SAMTOR: variants seen among roughly 807,000 people sequenced by gnomAD.
SAMTOR encodes the protein UPF0532 protein C7orf60.
chr7:112,858,261 T>A, the SAMTOR span, among the ~76,000 whole-genome samples: 35 of 151,972 alleles, frequency 2.3e-4, no homozygotes, highest in Admixed American at 2.3e-3. Flanking sequence ...GCAATGTTAC[T>A]ATAAATTTTC....
the SAMTOR span, among the ~76,000 whole-genome samples, chr7:112,917,495 G>C: frequency 6.6e-6 from 1 of 152,052 alleles, no homozygotes; most frequent in African/African-American, 2.4e-5. Context: ...ACAAAGATGG[G>C]GAAAAAACAG....
chr7:112,914,637 T>C, the SAMTOR span, among the ~76,000 whole-genome samples: 2 of 152,170 alleles, frequency 1.3e-5, no homozygotes, highest in African/African-American at 4.8e-5. Flanking sequence ...TAAGACTTTA[T>C]AGAACTCACT....
At chr7:112,898,413 G>A in the SAMTOR span, among the ~76,000 whole-genome samples, 1 of 152,056 alleles carries the variant, frequency 6.6e-6, no homozygotes, top group Non-Finnish European at 1.5e-5. Flanking sequence ...TTGGGGCAAG[G>A]AGAGGAAGAG....
the SAMTOR span, among the ~76,000 whole-genome samples, chr7:112,831,298 G>A: frequency 6.6e-6 from 1 of 152,130 alleles, no homozygotes; most frequent in African/African-American, 2.4e-5. Context: ...GCCTACTTTA[G>A]AGTTATCTAT....
chr7:112,882,895 A>C, the SAMTOR span, among the ~76,000 whole-genome samples: 1 of 152,214 alleles, frequency 6.6e-6, no homozygotes, highest in Non-Finnish European at 1.5e-5. Context: ...AAAACTGAAC[A>C]GAAATGAACT....
chr7:112,909,674 T>G, the SAMTOR span, among the ~76,000 whole-genome samples: 49 of 152,172 alleles, frequency 3.2e-4, no homozygotes, highest in African/African-American at 1.1e-3. Flanking sequence ...TTATGTAAAT[T>G]GTAGGAAAAG....
chr7:112,835,084 T>C, the SAMTOR span, among the ~76,000 whole-genome samples: 1 of 152,120 alleles, frequency 6.6e-6, no homozygotes, highest in African/African-American at 2.4e-5. Flanking sequence ...ATAGTATGTA[T>C]AGGATTCAGT....
the SAMTOR span, among the ~76,000 whole-genome samples, chr7:112,832,080 C>A: frequency 6.7e-6 from 1 of 150,286 alleles, no homozygotes; most frequent in African/African-American, 2.5e-5. Context: ...GGCGCGATCT[C>A]GACTCACTGC....
At chr7:112,937,164 G>A in the SAMTOR span, among the ~76,000 whole-genome samples, 1 of 152,164 alleles carries the variant, frequency 6.6e-6, no homozygotes, top group Non-Finnish European at 1.5e-5. Context: ...TACAGGAATT[G>A]TCTAAGAGGC....
At chr7:112,901,142 CA>C in the SAMTOR span, among the ~76,000 whole-genome samples, 1 of 152,186 alleles carries the variant, frequency 6.6e-6, no homozygotes, top group Non-Finnish European at 1.5e-5. Flanking sequence ...TCATACATAT[CA>C]GGGGTCCCCA....
chr7:112,860,887 G>A, the SAMTOR span, among the ~76,000 whole-genome samples: 5 of 146,638 alleles, frequency 3.4e-5, no homozygotes, highest in Non-Finnish European at 4.5e-5. Flanking sequence ...ACTCCAGCCT[G>A]GGGTGACAGA....
chr7:112,845,911 T>C, the SAMTOR span, among the ~76,000 whole-genome samples: 2 of 152,138 alleles, frequency 1.3e-5, no homozygotes, highest in African/African-American at 4.8e-5. Context: ...ATAATGTCCA[T>C]TGCAGGAACA....
At chr7:112,935,429 C>A in the SAMTOR span, among the ~76,000 whole-genome samples, 114 of 152,196 alleles carry the variant, frequency 7.5e-4, no homozygotes, top group African/African-American at 2.7e-3. Flanking sequence ...TTCCCCTTCC[C>A]CCACAATTCT....
chr7:112,934,016 A>G, the SAMTOR span, among the ~76,000 whole-genome samples: 1 of 152,200 alleles, frequency 6.6e-6, no homozygotes, highest in African/African-American at 2.4e-5. Flanking sequence ...TTCTTAAGAA[A>G]TATTATAGTA....
At chr7:112,835,405 G>A in the SAMTOR span, among the ~76,000 whole-genome samples, 1 of 152,102 alleles carries the variant, frequency 6.6e-6, no homozygotes, top group Non-Finnish European at 1.5e-5. Flanking sequence ...TCTTACATCA[G>A]AAGGAACATT....
At chr7:112,882,924 C>T in the SAMTOR span, among the ~76,000 whole-genome samples, 16 of 152,166 alleles carry the variant, frequency 1.1e-4, no homozygotes, top group Middle Eastern at 3.4e-3. Context: ...AAAACAAAAA[C>T]TCCTAAACCA....
At chr7:112,855,465 T>C in the SAMTOR span, among the ~76,000 whole-genome samples, 2 of 152,278 alleles carry the variant, frequency 1.3e-5, no homozygotes, top group South Asian at 4.1e-4. Context: ...ATCTAGGGAC[T>C]ATGTGGTATA....
At chr7:112,925,891 G>A in the SAMTOR span, among the ~76,000 whole-genome samples, 1 of 151,986 alleles carries the variant, frequency 6.6e-6, no homozygotes, top group East Asian at 1.9e-4. Context: ...AGGAAGTAGA[G>A]AGAAAGATGG....
At chr7:112,837,116 G>A in the SAMTOR span, among the ~76,000 whole-genome samples, 1 of 151,722 alleles carries the variant, frequency 6.6e-6, no homozygotes, top group South Asian at 2.1e-4. Context: ...TCTGATTCGA[G>A]CATTGTTTTG....
Sources: allele counts gnomAD v4.1 joint callset (sites outside exome capture counted in the v4.1 genomes callset), GRCh38; gene constraint gnomAD v4.1.1; transcripts MANE v1.5; gene names NCBI Gene and HGNC (gene_info 2026-07-23, HGNC 2026-07-21).